Variants in DNAI7 observed in about 807,000 individuals in gnomAD.
The protein encoded by DNAI7 is dynein axonemal intermediate chain 7.
A neutral mutation model predicts 86.6 loss-of-function variants in DNAI7; 78 were observed. The observed-to-expected ratio is 0.90, with a 90% CI of 0.75 to 1.09. The LOEUF is 1.09. DNAI7 is among the 50% of genes least tolerant of loss of function. The probability of loss-of-function intolerance (pLI) is 0.00; values close to 1 mark genes in which losing one functional copy is unlikely to be tolerated. For missense variants in DNAI7, 753 were observed against 810.2 expected, an observed-to-expected ratio of 0.93 and a Z score of 0.86; for synonymous variants, 274 against 273.0, an observed-to-expected ratio of 1.00 and a Z score of -0.04.
intron 14 of DNAI7, among the ~76,000 whole-genome samples, chr12:25,110,444 CCT>C (rs1438389972): frequency 6.6e-6 from 1 of 152,160 alleles, no homozygotes; most frequent in African/African-American, 2.4e-5. Context: ...CTTGCACGGC[CCT>C]CTGACATCCC....
At chr12:25,137,333 TAA>T (rs1943663557) in intron 9 of DNAI7, among the ~76,000 whole-genome samples, 1 of 152,136 alleles carries the variant, frequency 6.6e-6, no homozygotes, top group South Asian at 2.1e-4. Context: ...AAACAAATGC[TAA>T]GAGAATTTAC....
chr12:25,113,307 TG>T (rs1469360420), intron 13 of DNAI7, among the ~76,000 whole-genome samples: 1 of 151,954 alleles, frequency 6.6e-6, no homozygotes, highest in Non-Finnish European at 1.5e-5. Context: ...TTGTTGTTGT[TG>T]TTGTTGTTTT....
rs1592156928 is a variant in DNAI7, at chr12:25,110,153, A to G, written c.1867T>C (p.Cys623Arg). Residue 623 changes from cysteine to arginine, a missense_variant, in exon 15 of 16, where the codon TGT becomes CGT. Coordinates refer to ENST00000395987, the MANE Select transcript of DNAI7 (RefSeq NM_018272.5). ...TTAAATACGACTTTTGTAGAATTAC[A>G]TAGTAGGTTCCACTTGCTCCAACCA... ...AFGWSKWNLLCNSTKVVFKVR... is the reference protein window; with the variant it reads ...AFGWSKWNLLRNSTKVVFKVR... 2 of 1,604,156 alleles carry G rather than the reference A, an allele frequency of 1.2e-6. No individual in the cohort carries two copies. Among genetic ancestry groups the G allele is most frequent in the Non-Finnish European group, 1.7e-6 (2 of 1,171,062 alleles).
intron 6 of DNAI7, among the ~76,000 whole-genome samples, 191 bp from the exon 7 acceptor site, chr12:25,149,965 A>G (rs1945302651): frequency 2.0e-5 from 3 of 152,342 alleles, no homozygotes; most frequent in Admixed American, 2.0e-4. Flanking sequence ...AAAATTAATT[A>G]TAACACACTG....
chr12:25,172,393 C>T (rs1015543001), intron 2 of DNAI7, among the ~76,000 whole-genome samples: 7 of 152,050 alleles, frequency 4.6e-5, no homozygotes, highest in African/African-American at 1.4e-4. Flanking sequence ...TATACCTAAC[C>T]AAGGAGGTGA....
chr12:25,122,941 A>G (rs1941549517), intron 10 of DNAI7, among the ~76,000 whole-genome samples: 1 of 152,232 alleles, frequency 6.6e-6, no homozygotes, highest in Non-Finnish European at 1.5e-5. Flanking sequence ...TGTTCTATGT[A>G]TGTAACACGT....
Position 25,189,356 on chromosome 12 carries a change from A to T in DNAI7, c.21+1258T>A, listed in dbSNP as rs78694287. On this transcript the variant is annotated intron_variant, in intron 2 of 15. Coordinates refer to ENST00000395987, the MANE Select transcript of DNAI7 (RefSeq NM_018272.5). ...TGCATGTGCTATGAAAACACAGAGT[A>T]TAAGCCAGGCGCAGTGACTCATGCC... Among the ~76,000 whole-genome samples, 524 of 152,304 alleles carry T rather than the reference A, an allele frequency of 3.4e-3. 8 individuals are homozygous for T. The highest frequency in any genetic ancestry group is 0.012 in the African/African-American group (505 of 41,582).
At chr12:25,191,317 G>A (rs886336393) in intron 1 of DNAI7, among the ~76,000 whole-genome samples, 4 of 151,344 alleles carry the variant, frequency 2.6e-5, no homozygotes, top group African/African-American at 9.7e-5. Context: ...GAGGTGGGAA[G>A]ATCACTTGAG....
At chr12:25,173,565 T>C (rs1201003031) in intron 2 of DNAI7, among the ~76,000 whole-genome samples, 1 of 151,906 alleles carries the variant, frequency 6.6e-6, no homozygotes, top group East Asian at 1.9e-4. Context: ...TAAATAAAAG[T>C]AGAACTATCA....
rs781686174 is a variant in DNAI7 at position 25,121,814 on chromosome 12, T to A, written c.1178A>T (p.His393Leu). ...CQFTTLGGVY[H>L]LDILELPPQC... is the part of the protein sequence containing the mutation. ...TGGAGGAAGCTCCAAAATATCCAAG[T>A]GGTATACTCCACCCAGAGTTGTGAA... Residue 393 changes from histidine to leucine, a missense_variant, in exon 11 of 16, where the codon CAC (histidine) becomes CTC (leucine). By Grantham distance (99) the His-to-Leu change is moderately conservative. Transcript: ENST00000395987. The A allele has an allele frequency of 8.7e-6, 14 of 1,607,250 alleles. No individual in the cohort carries two copies. Among genetic ancestry groups the A allele is most frequent in the Non-Finnish European group, 1.1e-5 (13 of 1,178,102 alleles).
intron 9 of DNAI7, among the ~76,000 whole-genome samples, 184 bp from the exon 10 acceptor site, chr12:25,123,470 A>G (rs888624891): frequency 3.3e-5 from 5 of 152,226 alleles, no homozygotes; most frequent in African/African-American, 1.2e-4. Flanking sequence ...CAATTAAAAT[A>G]TCTACAAAAC....
At chr12:25,187,195 TTCACTTTCTACCTCACTGTC>T (rs1342481477) in intron 2 of DNAI7, among the ~76,000 whole-genome samples, 1 of 152,164 alleles carries the variant, frequency 6.6e-6, no homozygotes, top group African/African-American at 2.4e-5. Context: ...GTTTTTATCT[TTCACTTTCTACCTCACTGTC>T]TGTTCTAACC....
intron 9 of DNAI7, among the ~76,000 whole-genome samples, chr12:25,139,953 C>G (rs923988965): frequency 6.6e-6 from 1 of 151,964 alleles, no homozygotes; most frequent in African/African-American, 2.4e-5. Context: ...ATGTGATATA[C>G]CACATAGAAT....
At position 25,168,156 on chromosome 12, in the gene DNAI7, T is replaced by C. The variant is rs145464087; in HGVS notation, c.22-6959A>G. Among the ~76,000 whole-genome samples the C allele has an allele frequency of 8.1e-4, 123 of 152,252 alleles. 1 individual carries two copies. The highest frequency in any genetic ancestry group is 2.7e-3 in the African/African-American group (114 of 41,548). On this transcript the variant is annotated intron_variant, in intron 2 of 15. Transcript: ENST00000395987. ...CTAGGAGTCTAGGTACAAGACACCT[T>C]TTTCAGCACTCCTTCTCATCTTTTT...
intron 6 of DNAI7, among the ~76,000 whole-genome samples, chr12:25,151,675 T>A (rs1945563420): frequency 6.6e-6 from 1 of 152,190 alleles, no homozygotes; most frequent in Non-Finnish European, 1.5e-5. Context: ...GGATGTGTAG[T>A]AGCAAGAACA....
At position 25,108,697 on chromosome 12, in the gene DNAI7, CTTT is replaced by C. The variant is rs749378540; in HGVS notation, c.2017_2019del (p.Lys673del). Reference sequence around the variant, plus strand: ...AAAGTAGAATGAAACTCAGTTTCTTCTTTAAGTGCTTCAGAAAATGCCTCACTC... The same window carrying C: ...AAAGTAGAATGAAACTCAGTTTCTTCAAGTGCTTCAGAAAATGCCTCACTC... On this transcript the variant is annotated inframe_deletion, in exon 16 of 16. Coordinates refer to ENST00000395987, the MANE Select transcript of DNAI7 (RefSeq NM_018272.5). 496 of 1,613,524 alleles carry C rather than the reference CTTT, an allele frequency of 3.1e-4. No individual in the cohort carries two copies. The highest frequency in any genetic ancestry group is 9.3e-4 in the Admixed American group (56 of 59,968).
At chr12:25,155,720 G>A (rs1209242571) in intron 4 of DNAI7, among the ~76,000 whole-genome samples, 1 of 152,212 alleles carries the variant, frequency 6.6e-6, no homozygotes, top group East Asian at 1.9e-4. Flanking sequence ...GCAAGATGGT[G>A]TGAAAGTGCT....
intron 8 of DNAI7, among the ~76,000 whole-genome samples, chr12:25,145,623 TTAGGAAA>T (rs1298830513): frequency 6.6e-6 from 1 of 152,208 alleles, no homozygotes; most frequent in Non-Finnish European, 1.5e-5. Flanking sequence ...TGGAAGGAAC[TTAGGAAA>T]TATTTTTTTC....
intron 5 of DNAI7, 25 bp from the exon 6 acceptor site, chr12:25,154,481 T>A: frequency 6.3e-7 from 1 of 1,588,458 alleles, no homozygotes; most frequent in Non-Finnish European, 8.5e-7. Context: ...TGTTTAAAGG[T>A]TCACATTGAT....
Sources: allele counts gnomAD v4.1 joint callset (sites outside exome capture counted in the v4.1 genomes callset), GRCh38; gene constraint gnomAD v4.1.1; transcripts MANE v1.5; gene names NCBI Gene and HGNC (gene_info 2026-07-23, HGNC 2026-07-21).